Variants in OTOG observed in about 807,000 individuals in gnomAD.
OTOG encodes otogelin.
A neutral mutation model predicts 313.8 loss-of-function variants in OTOG; 296 were observed. That is an observed-to-expected ratio of 0.94 (90% confidence interval 0.86 to 1.04). The LOEUF (loss-of-function observed/expected upper bound fraction) is 1.04, where lower values mean the gene tolerates loss of function less well. Among genes scored for constraint, OTOG ranks in the 50% least tolerant of loss-of-function variants. The pLI, the probability that OTOG is intolerant of heterozygous loss-of-function variation, is 0.00. For synonymous variants in OTOG, 1,533 were observed against 1,554.9 expected (o/e 0.99, Z 0.33); for missense variants, 3,948 against 3,840.1 (o/e 1.03, Z -0.74).
At chr11:17,645,445 G>A in intron 54 of OTOG, 119 bp from the exon 55 acceptor site, 2 of 905,286 alleles carry the variant, frequency 2.2e-6, no homozygotes, top group Non-Finnish European at 1.7e-6. Flanking sequence ...TAATGCATGG[G>A]TGCTAATGCT....
At position 17,560,738 on chromosome 11, in the gene OTOG, GCAC is replaced by G; in HGVS notation, c.1375_1377del (p.Pro459del). The G allele has an allele frequency of 6.4e-7, 1 of 1,550,642 alleles. No individual in the cohort carries two copies. Among genetic ancestry groups the G allele is most frequent in the East Asian group, 2.4e-5 (1 of 40,926 alleles). On this transcript the variant is annotated inframe_deletion, in exon 13 of 56. Transcript: ENST00000399397. Reference sequence around the variant, plus strand: ...CATCTTCGAGGATGGGGGCTGCGTGGCACCAGCTGAGTGTCCCTGTGAGTTTCA... The same window carrying G: ...CATCTTCGAGGATGGGGGCTGCGTGGCAGCTGAGTGTCCCTGTGAGTTTCA...
At chr11:17,641,981 A>T (rs985649142) in intron 52 of OTOG, 30 bp downstream of exon 52, 4 of 1,543,502 alleles carry the variant, frequency 2.6e-6, no homozygotes, top group African/African-American at 2.7e-5. Flanking sequence ...CCCACTTAGG[A>T]GGGTGTCCCA....
chr11:17,592,869 A>C (rs1411761815), intron 25 of OTOG, among the ~76,000 whole-genome samples: 1 of 152,240 alleles, frequency 6.6e-6, no homozygotes, highest in Non-Finnish European at 1.5e-5. Flanking sequence ...TTCCCCTGCA[A>C]AAAGCTTACA....
At chr11:17,577,915 T>A (rs1244979857) in intron 22 of OTOG, among the ~76,000 whole-genome samples, 1 of 151,136 alleles carries the variant, frequency 6.6e-6, no homozygotes, top group African/African-American at 2.5e-5. Flanking sequence ...TGACTCTCCT[T>A]GTCATTCAGA....
rs1017724470 is a variant in OTOG at position 17,602,321 on chromosome 11, C to G, written c.3821C>G (p.Pro1274Arg). The G allele has an allele frequency of 1.3e-6, 2 of 1,550,442 alleles. No individual in the cohort carries two copies. The highest frequency in any genetic ancestry group is 2.7e-5 in the African/African-American group (2 of 73,050). ...IVLVRTEDVA[P>R]ADIVSFLLTA... ...CTAGTGAGGACAGAGGATGTGGCGCCAGCAGACATTGTGAGCTTCCTGCTG... is the reference window on the plus strand; with the variant it reads ...CTAGTGAGGACAGAGGATGTGGCGCGAGCAGACATTGTGAGCTTCCTGCTG... Residue 1274 changes from proline (P) to arginine (R), a missense_variant, in exon 32 of 56, where the codon CCA (proline) becomes CGA (arginine). Pro to Arg is a moderately radical substitution (Grantham distance 103, BLOSUM62 -2). Transcript: ENST00000399397.
Position 17,558,546 on chromosome 11 carries a change from C to G in OTOG, c.1005C>G (p.Tyr335Ter), listed in dbSNP as rs577674003. Reference sequence around the variant, plus strand: ...CTGGTCCCTTGCTCTAGGGCGTGTACGAGCAGTGTGAGGCTCTACTGCGGC... The same window carrying G: ...CTGGTCCCTTGCTCTAGGGCGTGTAGGAGCAGTGTGAGGCTCTACTGCGGC... ...QQNPGTMQGV[Y>*]EQCEALLRPP... Residue 335 changes from tyrosine (Y) to a stop codon, truncating the protein, a stop_gained, in exon 10 of 56, where the codon TAC becomes TAG. Transcript: ENST00000399397. LOFTEE classifies it high-confidence loss of function. 2 of 1,550,486 alleles carry G rather than the reference C, an allele frequency of 1.3e-6. No homozygotes were observed. Among genetic ancestry groups the G allele is most frequent in the Non-Finnish European group, 1.7e-6 (2 of 1,147,004 alleles).
At chr11:17,589,120 C>A (rs1291773342) in intron 24 of OTOG, among the ~76,000 whole-genome samples, 1 of 152,166 alleles carries the variant, frequency 6.6e-6, no homozygotes, top group Non-Finnish European at 1.5e-5. Flanking sequence ...CCTTTACTTC[C>A]TTTGTACCTG....
chr11:17,553,023 A>T lies in OTOG; in HGVS notation c.293-96A>T, dbSNP rs183046885. 4.4e-4 allele frequency: 494 copies of T among 1,110,152 alleles called. 2 individuals are homozygous for T. In the African/African-American group the frequency reaches 6.3e-3, roughly 14 times the overall value. The allele number at this position is 1,110,152 out of a possible 1,614,324, so 68.8% of individuals were successfully genotyped here. A position where few individuals can be genotyped will look rare whatever the true frequency, so the allele number is the denominator to read the frequency against. ...AATGTTGGGGCTGGGGCTGCCTGTT[A>T]TGGGGGTCTGGATCCTGTGAAGCCT... On this transcript the variant is annotated intron_variant, in intron 4 of 55. Transcript: ENST00000399397.
chr11:17,641,366 T>G (rs1847968424), intron 51 of OTOG, among the ~76,000 whole-genome samples: 1 of 152,216 alleles, frequency 6.6e-6, no homozygotes, highest in Non-Finnish European at 1.5e-5. Flanking sequence ...CCTGGCACAT[T>G]CCCTGTCCCT....
At chr11:17,600,028 C>T (rs1432730447) in intron 31 of OTOG, among the ~76,000 whole-genome samples, 1 of 152,250 alleles carries the variant, frequency 6.6e-6, no homozygotes, top group Non-Finnish European at 1.5e-5. Context: ...TCTAGCTCAT[C>T]AGGCCCACAG....
At chr11:17,551,971 A>G (rs1851945109) in intron 3 of OTOG, 29 bp from the exon 4 acceptor site, 3 of 1,547,190 alleles carry the variant, frequency 1.9e-6, no homozygotes, top group East Asian at 4.9e-5. Flanking sequence ...TCAGCCCTCG[A>G]TGTGTTCTCT....
Position 17,634,878 on chromosome 11 carries a change from C to G in OTOG, c.7515C>G (p.Pro2505=). The change falls in exon 45 of 56, where the codon CCC becomes CCG. Residue 2505 remains proline, a synonymous_variant. Transcript: ENST00000399397. ...AGACTCTGTGTGAGGGTCTCGCCCC[C>G]ACATGCCGCCCAGGCCACCGCCTCC... The part of the protein sequence containing the change: ...CNQTLCEGLA[P]TCRPGHRLLT... 1.3e-6 allele frequency: 2 copies of G among 1,549,242 alleles called. No individual in the cohort carries two copies. Among genetic ancestry groups the G allele is most frequent in the Non-Finnish European group, 1.7e-6 (2 of 1,146,718 alleles).
At chr11:17,642,074 C>T (rs1167576086) in intron 52 of OTOG, 53 bp from the exon 53 acceptor site, 33 of 1,516,732 alleles carry the variant, frequency 2.2e-5, no homozygotes, top group Admixed American at 1.2e-4. Flanking sequence ...TATGGGTTTG[C>T]GCAGGCTGTC....
intron 25 of OTOG, 116 bp downstream of exon 25, chr11:17,591,704 TG>T: frequency 7.6e-7 from 1 of 1,323,378 alleles, no homozygotes; most frequent in Non-Finnish European, 1.0e-6. Flanking sequence ...AGCCCTGAGG[TG>T]GGGCTATCTA....
At position 17,640,995 on chromosome 11, in the gene OTOG, G is replaced by A; in HGVS notation, c.8094G>A (p.Val2698=). 6.5e-7 allele frequency: 1 copy of A among 1,548,596 alleles called. No homozygotes were observed. The highest frequency in any genetic ancestry group is 1.2e-5 in the South Asian group (1 of 84,068). ...QTVVELSADG[V]CHTSRCTTVL... ...TGGTGGAGCTCTCAGCAGATGGCGT[G>A]TGCCACACCTCCCGCTGCACCACCG... The change falls in exon 51 of 56, where the codon GTG becomes GTA. Residue 2698 remains valine, a synonymous_variant. Transcript: ENST00000399397.
At chr11:17,557,032 G>A (rs1852070145) in intron 7 of OTOG, 86 bp from the exon 8 acceptor site, 2 of 1,313,312 alleles carry the variant, frequency 1.5e-6, no homozygotes, top group South Asian at 2.6e-5. Flanking sequence ...TGGATCATGG[G>A]GTAGGGACTG....
At position 17,558,565 on chromosome 11, in the gene OTOG, C is replaced by A; in HGVS notation, c.1024C>A (p.Leu342Met). 1 of 1,550,554 alleles carries A rather than the reference C, an allele frequency of 6.4e-7. No homozygotes were observed. The highest frequency in any genetic ancestry group is 8.7e-7 in the Non-Finnish European group (1 of 1,147,000). The change falls in exon 10 of 56, where the codon CTG becomes ATG. Residue 342 changes from leucine (L) to methionine (M), a missense_variant. Transcript: ENST00000399397. ...QGVYEQCEAL[L>M]RPPFDACHAY... ...CGTGTACGAGCAGTGTGAGGCTCTACTGCGGCCCCCCTTTGACGCCTGCCA... is the reference window on the plus strand; with the variant it reads ...CGTGTACGAGCAGTGTGAGGCTCTAATGCGGCCCCCCTTTGACGCCTGCCA...
intron 47 of OTOG, among the ~76,000 whole-genome samples, chr11:17,636,906 G>A (rs1854280647): frequency 6.6e-6 from 1 of 152,092 alleles, no homozygotes; most frequent in Non-Finnish European, 1.5e-5. Context: ...TATCTGCCTT[G>A]AGGGGCTGTT....
intron 39 of OTOG, among the ~76,000 whole-genome samples, chr11:17,620,266 C>T (rs1356435452): frequency 2.6e-5 from 4 of 152,222 alleles, no homozygotes; most frequent in Admixed American, 2.6e-4. Context: ...CCCACAGCCC[C>T]TGCCAACTAC....
Sources: gnomAD v4.1 joint callset for allele counts (sites outside exome capture counted in the v4.1 genomes callset) on GRCh38, gnomAD v4.1.1 for gene constraint, MANE v1.5 for transcripts, NCBI Gene and HGNC (gene_info 2026-07-23, HGNC 2026-07-21) for gene names.